Variants in ACACB observed in about 807,000 individuals in gnomAD.
The protein encoded by ACACB is acetyl-CoA carboxylase 2.
A neutral mutation model predicts 278.8 loss-of-function variants in ACACB; 209 were observed. The ratio of observed to expected loss-of-function variants is 0.75; its 90% CI spans 0.67 to 0.84. The LOEUF (loss-of-function observed/expected upper bound fraction) is 0.84, where lower values mean the gene tolerates loss of function less well. ACACB is among the 40% of genes least tolerant of loss of function. ACACB has a pLI of 0.00. For missense variants in ACACB, 2,850 were observed against 3,269.0 expected (o/e 0.87, Z 3.13); for synonymous variants, 1,174 against 1,285.6 (o/e 0.91, Z 1.86).
At chr12:109,245,806 G>T in intron 38 of ACACB, 58 bp downstream of exon 38, 1 of 1,593,116 alleles carries the variant, frequency 6.3e-7, no homozygotes, top group South Asian at 1.1e-5. Context: ...AAATATTTTT[G>T]GGCCAGGTGC....
intron 1 of ACACB, among the ~76,000 whole-genome samples, chr12:109,130,594 C>T (rs1593367510): frequency 6.6e-6 from 1 of 152,184 alleles, no homozygotes; most frequent in African/African-American, 2.4e-5. Context: ...TGTGCTTCCC[C>T]GCATTCAGCT....
chr12:109,178,110 G>A (rs2044337040), intron 9 of ACACB, among the ~76,000 whole-genome samples: 1 of 152,182 alleles, frequency 6.6e-6, no homozygotes, highest in South Asian at 2.1e-4. Flanking sequence ...AGCAGCTGCC[G>A]ATGGTGGGGG....
chr12:109,191,444 C>A, intron 13 of ACACB, 169 bp from the exon 14 acceptor site: 1 of 685,522 alleles, frequency 1.5e-6, no homozygotes, highest in Non-Finnish European at 2.4e-6. Flanking sequence ...GAACTCCTGA[C>A]CTCAAGTAAT....
At position 109,191,883 on chromosome 12, in the gene ACACB, G is replaced by A. The variant is rs375473600; in HGVS notation, c.2332G>A (p.Gly778Arg). Residue 778 changes from glycine to arginine, a missense_variant, in exon 15 of 53, where the codon GGG becomes AGG. Around this residue, in one of 3 missense-constraint regions of ACACB, gnomAD observed 2,265 missense variants for 2,561.3 expected, o/e 0.88. Transcript: ENST00000338432. ...KPDIMLGVVC[G>R]ALNVADAMFR... ...GGATATCATGCTTGGGGTGGTATGC[G>A]GGGCCTTGAACGTGGCCGATGCGAT... The A allele has an allele frequency of 1.5e-5, 25 of 1,614,030 alleles. No homozygotes were observed. The highest frequency in any genetic ancestry group is 1.6e-4 in the Middle Eastern group (1 of 6,084).
At chr12:109,169,639 C>T (rs1221817133) in intron 4 of ACACB, among the ~76,000 whole-genome samples, 2 of 152,200 alleles carry the variant, frequency 1.3e-5, no homozygotes, top group South Asian at 4.1e-4. Flanking sequence ...GTGCTTCTCC[C>T]AGAGCCCTTT....
At chr12:109,227,032 C>T (rs2046332540) in intron 27 of ACACB, among the ~76,000 whole-genome samples, 1 of 151,940 alleles carries the variant, frequency 6.6e-6, no homozygotes, top group East Asian at 1.9e-4. Context: ...CTCATTGCAG[C>T]CTCAACATCC....
In ACACB at chr12:109,126,548, G is replaced by A. The variant is rs144866661; in HGVS notation, c.-10+9844G>A. ...ATATAAAAAAGATTAGCTAGATGTC[G>A]TGGTGTGCACCTGTAGTCCCAGCTA... On this transcript the variant is annotated intron_variant, in intron 1 of 52. Coordinates refer to ENST00000338432, the MANE Select transcript of ACACB (RefSeq NM_001093.4). Among the ~76,000 whole-genome samples the A allele has an allele frequency of 3.0e-3, 454 of 152,214 alleles. 2 individuals carry two copies. The highest frequency in any genetic ancestry group is 0.011 in the African/African-American group (442 of 41,516).
At chr12:109,219,374 G>C (rs150862993) in intron 24 of ACACB, among the ~76,000 whole-genome samples, 2 of 152,076 alleles carry the variant, frequency 1.3e-5, no homozygotes, top group Admixed American at 6.6e-5. Context: ...TTTAATCCTG[G>C]CTGTACATTA....
intron 1 of ACACB, among the ~76,000 whole-genome samples, chr12:109,137,273 A>G (rs1331496797): frequency 1.3e-5 from 2 of 152,226 alleles, no homozygotes; most frequent in Non-Finnish European, 2.9e-5. Context: ...TCTGCTGCTG[A>G]AAGTGTGTAA....
chr12:109,167,424 C>T (rs2043946218), intron 3 of ACACB: 1 of 156,870 alleles, frequency 6.4e-6, no homozygotes, highest in Non-Finnish European at 1.4e-5. Flanking sequence ...ATGACAAAAT[C>T]CTGTCTCTGC....
intron 35 of ACACB, among the ~76,000 whole-genome samples, chr12:109,240,430 G>C (rs2046761479): frequency 1.3e-5 from 2 of 151,916 alleles, no homozygotes; most frequent in South Asian, 4.2e-4. Flanking sequence ...GCTGAGGTGG[G>C]TAGATTGCTT....
rs2045259873 is a variant in ACACB, at chr12:109,199,508, G to A, written c.2734G>A (p.Asp912Asn). 1.3e-6 allele frequency: 2 copies of A among 1,539,858 alleles called. No homozygotes were observed. The highest frequency in any genetic ancestry group is 1.8e-6 in the Non-Finnish European group (2 of 1,141,768). The change falls in exon 18 of 53, where the codon GAT (aspartate) becomes AAT (asparagine). Residue 912 changes from aspartate (D) to asparagine (N), a missense_variant. Asp to Asn is a conservative substitution (Grantham distance 23). Coordinates refer to ENST00000338432, the MANE Select transcript of ACACB (RefSeq NM_001093.4). The part of the protein sequence containing the change: ...AGKLTQYTVE[D>N]GGHVEAGSSY... ...GAAGCTGACACAGTACACAGTGGAG[G>A]ATGGGGGCCACGTTGAGGCTGGGAG...
chr12:109,131,295 C>T (rs976341653), intron 1 of ACACB: 13 of 152,780 alleles, frequency 8.5e-5, no homozygotes, highest in Admixed American at 5.2e-4. Flanking sequence ...AAGCCCCACC[C>T]CCATGGCCTG....
At chr12:109,244,628 T>A (rs1227232676) in intron 37 of ACACB, among the ~76,000 whole-genome samples, 5 of 152,098 alleles carry the variant, frequency 3.3e-5, no homozygotes, top group African/African-American at 1.2e-4. Context: ...TGGCTAATTT[T>A]TTTATTTATA....
chr12:109,136,401 A>T (rs2042967294), intron 1 of ACACB, among the ~76,000 whole-genome samples: 1 of 152,204 alleles, frequency 6.6e-6, no homozygotes, highest in Non-Finnish European at 1.5e-5. Context: ...CCAATCCATG[A>T]GCAAGGTATG....
intron 2 of ACACB, among the ~76,000 whole-genome samples, chr12:109,155,129 C>T (rs1247068053): frequency 6.6e-6 from 1 of 151,984 alleles, no homozygotes; most frequent in Non-Finnish European, 1.5e-5. Context: ...CTGGCCTTGG[C>T]GGGAGGGGAG....
At chr12:109,235,520 T>A in intron 32 of ACACB, 86 bp from the exon 33 acceptor site, 5 of 1,415,544 alleles carry the variant, frequency 3.5e-6, no homozygotes, top group Non-Finnish European at 5.0e-6. Flanking sequence ...GTGAATGTAA[T>A]CGTTTACAAT....
At chr12:109,246,103 A>C (rs956799013) in intron 38 of ACACB, 76 bp from the exon 39 acceptor site, 3 of 1,471,240 alleles carry the variant, frequency 2.0e-6, no homozygotes, top group Non-Finnish European at 2.7e-6. Context: ...AAAAAATAAT[A>C]ATAACTAAAA....
At position 109,191,791 on chromosome 12, in the gene ACACB, C is replaced by G. The variant is rs1038542241; in HGVS notation, c.2295+28C>G. 7 of 1,614,028 alleles carry G rather than the reference C, an allele frequency of 4.3e-6. No homozygotes were observed. In the Admixed American group the frequency reaches 6.7e-5, roughly 15 times the overall value. On this transcript the variant is annotated intron_variant, in intron 14 of 52. Coordinates refer to ENST00000338432, the MANE Select transcript of ACACB (RefSeq NM_001093.4). ...AGGGAGTGAGCTGCCTGTGTCTCCCCTCTGGATGGCCGAGACCTCGGCTTC... is the reference window on the plus strand; with the variant it reads ...AGGGAGTGAGCTGCCTGTGTCTCCCGTCTGGATGGCCGAGACCTCGGCTTC...
Sources: gnomAD v4.1 joint callset for allele counts (sites outside exome capture counted in the v4.1 genomes callset) on GRCh38, gnomAD v4.1.1 for gene constraint, gnomAD v4.1.1 regional missense constraint, MANE v1.5 for transcripts, NCBI Gene and HGNC (gene_info 2026-07-23, HGNC 2026-07-21) for gene names.